Variants in ST7 observed in about 807,000 individuals in gnomAD.
ST7 encodes the protein suppressor of tumorigenicity 7 protein.
A neutral mutation model predicts 78.7 loss-of-function variants in ST7; 28 were observed. The observed-to-expected ratio is 0.36, with a 90% confidence interval of 0.26 to 0.49. The LOEUF is 0.49. Among genes scored for constraint, ST7 ranks in the 20% least tolerant of loss-of-function variants. The pLI, the probability that ST7 is intolerant of heterozygous loss-of-function variation, is 0.99. For missense variants in ST7, 418 were observed against 696.0 expected (o/e 0.60, Z 4.49); for synonymous variants, 247 against 249.6 (o/e 0.99, Z 0.10).
chr7:117,178,323 T>C (rs966804184), intron 10 of ST7, among the ~76,000 whole-genome samples: 25 of 152,274 alleles, frequency 1.6e-4, no homozygotes, highest in African/African-American at 6.0e-4. Context: ...TAGAGAAAGA[T>C]GTTAAAAAAC....
intron 3 of ST7, 118 bp from the exon 4 acceptor site, chr7:117,129,675 T>A (rs1328306776): frequency 1.3e-6 from 1 of 790,958 alleles, no homozygotes; most frequent in Non-Finnish European, 2.1e-6. Flanking sequence ...GCTTCCCATG[T>A]AAAGGGTAGT....
chr7:117,142,157 C>T (rs978862745), intron 9 of ST7, among the ~76,000 whole-genome samples: 4 of 151,832 alleles, frequency 2.6e-5, no homozygotes, highest in African/African-American at 4.8e-5. Flanking sequence ...TCAAGTTTTC[C>T]CTCTGTCTTT....
intron 8 of ST7, among the ~76,000 whole-genome samples, chr7:117,138,193 C>A (rs1287010845): frequency 3.3e-5 from 5 of 152,140 alleles, no homozygotes; most frequent in Non-Finnish European, 5.9e-5. Context: ...ATTTTCGCAG[C>A]ACTTTGTGGC....
intron 1 of ST7, among the ~76,000 whole-genome samples, chr7:117,036,281 G>A (rs1248594268): frequency 6.6e-6 from 1 of 152,192 alleles, no homozygotes; most frequent in African/African-American, 2.4e-5. Context: ...GTCCTCTGCA[G>A]GCAATCAGGT....
intron 1 of ST7, among the ~76,000 whole-genome samples, chr7:117,004,024 A>G (rs1795053089): frequency 6.6e-6 from 1 of 152,152 alleles, no homozygotes; most frequent in South Asian, 2.1e-4. Flanking sequence ...AAAAGACTAA[A>G]TTTTATGGTA....
intron 1 of ST7, among the ~76,000 whole-genome samples, chr7:116,991,551 C>T (rs540435820): frequency 3.5e-4 from 54 of 152,202 alleles, no homozygotes; most frequent in South Asian, 8.3e-4. Flanking sequence ...GGTGAAACCG[C>T]CCCCATGATT....
At chr7:116,981,741 G>A (rs1401608228) in intron 1 of ST7, among the ~76,000 whole-genome samples, 4 of 152,178 alleles carry the variant, frequency 2.6e-5, no homozygotes, top group Non-Finnish European at 5.9e-5. Flanking sequence ...GTTTTACAGT[G>A]AGCTAAGTAG....
Position 117,229,984 on chromosome 7 carries a change from T to A in ST7, c.*127T>A. 1.2e-6 allele frequency: 1 copy of A among 867,838 alleles called. No individual in the cohort carries two copies. The highest frequency in any genetic ancestry group is 2.4e-5 in the East Asian group (1 of 41,212). 53.8% of individuals were successfully genotyped at this position (867,838 alleles called of 1,614,324 possible). On this transcript the variant is annotated 3_prime_UTR_variant, in exon 16 of 16. Coordinates refer to ENST00000323984, the MANE Select transcript of ST7 (RefSeq NM_001369598.1). ...CCATTCCGAGATTTTAAAATGTTCA[T>A]GGACTATTCCATATTAAAAGCTGTT...
chr7:116,995,310 C>T (rs1422405158), intron 1 of ST7, among the ~76,000 whole-genome samples: 1 of 152,128 alleles, frequency 6.6e-6, no homozygotes, highest in African/African-American at 2.4e-5. Flanking sequence ...TAACCATCCC[C>T]GTCCTAGGGT....
chr7:117,044,899 T>C (rs1182094230), intron 1 of ST7, among the ~76,000 whole-genome samples: 1 of 152,182 alleles, frequency 6.6e-6, no homozygotes, highest in East Asian at 1.9e-4. Context: ...AAATACTATA[T>C]GTGAGATGTG....
intron 1 of ST7, among the ~76,000 whole-genome samples, chr7:117,092,384 C>T (rs916985802): frequency 1.4e-5 from 2 of 147,198 alleles, no homozygotes; most frequent in Admixed American, 1.4e-4. Flanking sequence ...GTCACTTTAG[C>T]GTTTGTCTGT....
chr7:117,081,766 A>G (rs528328974), intron 1 of ST7, among the ~76,000 whole-genome samples: 115 of 152,332 alleles, frequency 7.5e-4, no homozygotes, highest in African/African-American at 2.7e-3. Flanking sequence ...TAAAATGACA[A>G]TTGTAAAAGA....
chr7:116,967,667 A>G (rs1793196388), intron 1 of ST7, among the ~76,000 whole-genome samples: 1 of 152,248 alleles, frequency 6.6e-6, no homozygotes, highest in Admixed American at 6.5e-5. Flanking sequence ...CATGATAATG[A>G]TGAGTACCTC....
intron 3 of ST7, among the ~76,000 whole-genome samples, chr7:117,125,358 C>A (rs1324375450): frequency 6.6e-6 from 1 of 152,026 alleles, no homozygotes; most frequent in Non-Finnish European, 1.5e-5. Flanking sequence ...GAAAGTGGTA[C>A]ATTATCTTGA....
intron 9 of ST7, among the ~76,000 whole-genome samples, chr7:117,161,469 C>G (rs535361277): frequency 3.3e-5 from 5 of 150,918 alleles, no homozygotes; most frequent in Non-Finnish European, 7.4e-5. Flanking sequence ...TTTTCACCTT[C>G]TTTTCTTACA....
intron 1 of ST7, among the ~76,000 whole-genome samples, chr7:116,963,221 G>A (rs1238174595): frequency 6.6e-6 from 1 of 152,150 alleles, no homozygotes; most frequent in African/African-American, 2.4e-5. Context: ...TTGTAAATGT[G>A]GAATAATATC....
chr7:117,201,340 T>G (rs1240506701), intron 12 of ST7, among the ~76,000 whole-genome samples: 1 of 152,076 alleles, frequency 6.6e-6, no homozygotes, highest in Non-Finnish European at 1.5e-5. Flanking sequence ...AGTTTAAGTC[T>G]CTTTCTTTAA....
At chr7:116,958,738 A>C in intron 1 of ST7, 1 of 469,536 alleles carries the variant, frequency 2.1e-6, no homozygotes, top group Non-Finnish European at 4.4e-6. Flanking sequence ...TTATAGTCAC[A>C]CTATATTGTA....
intron 1 of ST7, among the ~76,000 whole-genome samples, chr7:117,097,763 C>T: frequency 1.4e-5 from 2 of 144,546 alleles, no homozygotes; most frequent in African/African-American, 5.1e-5. Context: ...GATTTTTTTT[C>T]CTTTTAAAAA....
Sources: gnomAD v4.1 joint callset for allele counts (sites outside exome capture counted in the v4.1 genomes callset) on GRCh38, gnomAD v4.1.1 for gene constraint, MANE v1.5 for transcripts, NCBI Gene and HGNC (gene_info 2026-07-23, HGNC 2026-07-21) for gene names.